Variants in KIR3DL3 observed in about 807,000 individuals in gnomAD.
KIR3DL3 encodes killer cell immunoglobulin-like receptor 3DL3.
Under a neutral mutation model 34.9 loss-of-function variants are expected in KIR3DL3, and 27 were observed. The observed-to-expected ratio is 0.77, with a 90% CI of 0.57 to 1.07. The LOEUF (loss-of-function observed/expected upper bound fraction) is 1.07, where lower values mean the gene tolerates loss of function less well. KIR3DL3 is among the 50% of genes least tolerant of loss of function. KIR3DL3 has a pLI of 0.00. For missense variants in KIR3DL3, 681 were observed against 528.5 expected (o/e 1.29, Z -2.83); for synonymous variants, 217 against 200.2 (o/e 1.08, Z -0.71).
chr19:54,729,386 A>G, intron 4 of KIR3DL3, 107 bp from the exon 5 acceptor site: 1 of 1,201,938 alleles, frequency 8.3e-7, no homozygotes, highest in South Asian at 1.6e-5. Context: ...GAGAGAGAGA[A>G]AGAGAGCATT....
Position 54,729,622 on chromosome 19 carries a change from G to T in KIR3DL3, c.785G>T (p.Gly262Val). 1.3e-6 allele frequency: 2 copies of T among 1,598,624 alleles called. No individual in the cohort carries two copies. Among genetic ancestry groups the T allele is most frequent in the Non-Finnish European group, 8.5e-7 (1 of 1,175,740 alleles). Residue 262 changes from glycine (G) to valine (V), a missense_variant, in exon 5 of 8, where the codon GGT becomes GTT. By Grantham distance (109) the Gly-to-Val change is moderately radical. Coordinates refer to ENST00000291860, the MANE Select transcript of KIR3DL3 (RefSeq NM_153443.5). Reference sequence around the variant, plus strand: ...CATCTATCCAGGGAGGCGGAGGCCGGTGAACTTAGGCTCACTGCAGTGCTG... The same window carrying T: ...CATCTATCCAGGGAGGCGGAGGCCGTTGAACTTAGGCTCACTGCAGTGCTG... ...IYHLSREAEA[G>V]ELRLTAVLRV...
intron 3 of KIR3DL3, among the ~76,000 whole-genome samples, chr19:54,727,307 G>A (rs1193539419): frequency 1.6e-5 from 2 of 123,982 alleles, no homozygotes; most frequent in African/African-American, 5.7e-5. Flanking sequence ...GCCTGTCATG[G>A]TTCCTCTTCC....
At chr19:54,732,819 A>T (rs2068968605) in intron 5 of KIR3DL3, among the ~76,000 whole-genome samples, 1 of 152,184 alleles carries the variant, frequency 6.6e-6, no homozygotes, top group South Asian at 2.1e-4. Flanking sequence ...GATGGAGAGC[A>T]CACTGGGTAC....
In KIR3DL3 at chr19:54,729,677, C is replaced by G; in HGVS notation, c.840C>G (p.Phe280Leu). The change falls in exon 5 of 8, where the codon TTC becomes TTG. Residue 280 changes from phenylalanine (F) to leucine (L), a missense_variant. Transcript: ENST00000291860. ...LRVNGTFQANFPLGPVTHGGN... is the reference protein window; with the variant it reads ...LRVNGTFQANLPLGPVTHGGN... The stretch of plus-strand genomic sequence containing the variant: ...TCAATGGAACATTCCAGGCCAACTT[C>G]CCTCTGGGCCCTGTGACCCACGGAG... 3 of 1,595,100 alleles carry G rather than the reference C, an allele frequency of 1.9e-6. No homozygotes were observed. The highest frequency in any genetic ancestry group is 2.6e-6 in the Non-Finnish European group (3 of 1,174,432).
intron 3 of KIR3DL3, among the ~76,000 whole-genome samples, chr19:54,727,199 C>G (rs2068279286): frequency 8.5e-6 from 1 of 117,594 alleles, no homozygotes; most frequent in African/African-American, 3.1e-5. Flanking sequence ...GGAACAGGGA[C>G]ACTGATGCCT....
rs1385196739 is a variant in KIR3DL3, at chr19:54,727,903, G to A, written c.648G>A (p.Val216=). The A allele has an allele frequency of 2.8e-5, 45 of 1,608,198 alleles. No individual in the cohort carries two copies. Among genetic ancestry groups the A allele is most frequent in the African/African-American group, 2.4e-4 (18 of 74,808 alleles). The stretch of plus-strand genomic sequence containing the variant: ...CTCCCAGTGACCCTCTGGACATCGT[G>A]GTCGTAGGTGAGAGAATACAGACCT... ...LSAPSDPLDI[V]VVGLYGKPSL... The change falls in exon 4 of 8, where the codon GTG becomes GTA. Residue 216 remains valine, a synonymous_variant. Transcript: ENST00000291860.
At chr19:54,734,765 T>C (rs969592033) in intron 5 of KIR3DL3, among the ~76,000 whole-genome samples, 75 of 146,196 alleles carry the variant, frequency 5.1e-4, no homozygotes, top group Admixed American at 2.9e-3. Context: ...GGCCTCAGGC[T>C]GCTCCCACTC....
At chr19:54,730,308 C>A (rs2146813931) in intron 5 of KIR3DL3, among the ~76,000 whole-genome samples, 1 of 149,914 alleles carries the variant, frequency 6.7e-6, no homozygotes, top group South Asian at 2.1e-4. Flanking sequence ...AATCCCAACA[C>A]TTTGAGAGGC....
intron 6 of KIR3DL3, 83 bp from the exon 7 acceptor site, chr19:54,735,736 TC>T (rs2069469665): frequency 1.3e-6 from 2 of 1,487,248 alleles, no homozygotes; most frequent in Non-Finnish European, 9.3e-7. Flanking sequence ...ACCTATGGCC[TC>T]CCCCTGTATG....
rs2068373074 is a variant in KIR3DL3 at position 54,727,865 on chromosome 19, T to A, written c.610T>A (p.Tyr204Asn). 1.9e-6 allele frequency: 3 copies of A among 1,613,734 alleles called. No homozygotes were observed. The highest frequency in any genetic ancestry group is 8.5e-7 in the Non-Finnish European group (1 of 1,179,694). The change falls in exon 4 of 8, where the codon TAT becomes AAT. Residue 204 changes from tyrosine to asparagine, a missense_variant. Coordinates refer to ENST00000291860, the MANE Select transcript of KIR3DL3 (RefSeq NM_153443.5). ...RCFGSVTHLPYELSAPSDPLD... is the reference protein window; with the variant it reads ...RCFGSVTHLPNELSAPSDPLD... ...CTTTGGTTCTGTCACTCACTTACCC[T>A]ATGAGTTGTCGGCTCCCAGTGACCC...
intron 1 of KIR3DL3, 38 bp from the exon 2 acceptor site, chr19:54,725,209 T>C: frequency 6.5e-7 from 1 of 1,539,256 alleles, no homozygotes; most frequent in Non-Finnish European, 8.8e-7. Context: ...CTGGAGGTGA[T>C]GTACAGATGG....
At chr19:54,725,442 G>A (rs1016599178) in intron 2 of KIR3DL3, among the ~76,000 whole-genome samples, 160 bp downstream of exon 2, 1 of 152,042 alleles carries the variant, frequency 6.6e-6, no homozygotes, top group African/African-American at 2.4e-5. Flanking sequence ...GGGAAGCTTC[G>A]CCACAGTTCT....
intron 5 of KIR3DL3, among the ~76,000 whole-genome samples, chr19:54,733,280 C>T (rs1319279453): frequency 6.6e-6 from 1 of 152,004 alleles, no homozygotes; most frequent in Non-Finnish European, 1.5e-5. Context: ...CACCTGTAAC[C>T]CAACACTTTG....
At chr19:54,729,265 G>A (rs1363106711) in intron 4 of KIR3DL3, among the ~76,000 whole-genome samples, 1 of 151,546 alleles carries the variant, frequency 6.6e-6, no homozygotes, top group Non-Finnish European at 1.5e-5. Flanking sequence ...AGAATAAAAT[G>A]GTACAAAAAA....
At chr19:54,728,043 G>A in intron 4 of KIR3DL3, 133 bp downstream of exon 4, 1 of 894,142 alleles carries the variant, frequency 1.1e-6, no homozygotes, top group Non-Finnish European at 1.7e-6. Context: ...GGTGAGGTCT[G>A]TACCAACAAA....
At position 54,725,925 on chromosome 19, in the gene KIR3DL3, C is replaced by T. The variant is rs111721146; in HGVS notation, c.71-128C>T. On this transcript the variant is annotated intron_variant, in intron 2 of 7. Transcript: ENST00000291860. ...CATGTCTATGCGGGATGGGTCCTTC[C>T]TGTAGCCCTGGGCACCCAGGTGTGG... 2.4e-3 allele frequency: 2,052 copies of T among 858,516 alleles called. 29 individuals are homozygous for T. In the African/African-American group the frequency reaches 0.029, roughly 12 times the overall value. 53.2% of individuals were successfully genotyped at this position (858,516 alleles called of 1,614,324 possible). A position where few individuals can be genotyped will look rare whatever the true frequency, so the allele number is the denominator to read the frequency against.
intron 2 of KIR3DL3, among the ~76,000 whole-genome samples, 165 bp downstream of exon 2, chr19:54,725,447 A>T (rs2146743640): frequency 6.6e-6 from 1 of 152,244 alleles, no homozygotes; most frequent in Admixed American, 6.5e-5. Flanking sequence ...GCTTCGCCAC[A>T]GTTCTGTCCT....
rs1252155910 is a variant in KIR3DL3, at chr19:54,735,604, C to A, written c.1055-216C>A. Among the ~76,000 whole-genome samples, 21 of 130,040 alleles carry A rather than the reference C, an allele frequency of 1.6e-4. 3 individuals are homozygous for A. The highest frequency in any genetic ancestry group is 3.1e-4 in the Non-Finnish European group (19 of 60,366). 85.3% of individuals were successfully genotyped at this position (130,040 alleles called of 152,430 possible). On this transcript the variant is annotated intron_variant, in intron 6 of 7. Transcript: ENST00000291860. ...TCACATCCAGGAGAAGGTTCCATGACAGGCAGAAAGTGGGACACAGAATCA... is the reference window on the plus strand; with the variant it reads ...TCACATCCAGGAGAAGGTTCCATGAAAGGCAGAAAGTGGGACACAGAATCA...
At chr19:54,731,195 A>G (rs2068754657) in intron 5 of KIR3DL3, among the ~76,000 whole-genome samples, 1 of 151,962 alleles carries the variant, frequency 6.6e-6, no homozygotes, top group South Asian at 2.1e-4. Flanking sequence ...TAGTAGAGAC[A>G]GAGTTTCGCT....
Sources: allele counts gnomAD v4.1 joint callset (sites outside exome capture counted in the v4.1 genomes callset), GRCh38; gene constraint gnomAD v4.1.1; transcripts MANE v1.5; gene names NCBI Gene and HGNC (gene_info 2026-07-23, HGNC 2026-07-21).